The following KAT6A variants were observed in gnomAD, a reference collection of about 807,000 sequenced individuals.
The protein encoded by KAT6A is lysine acetyltransferase 6A, also known as histone acetyltransferase KAT6A.
In KAT6A, 9 loss-of-function variants were observed where a neutral mutation model predicts 198.4. That is an observed-to-expected ratio of 0.05 (90% CI 0.03 to 0.08). The LOEUF is 0.08. Among genes scored for constraint, KAT6A ranks in the 10% least tolerant of loss-of-function variants. The probability of loss-of-function intolerance (pLI) is 1.00; values close to 1 mark genes in which losing one functional copy is unlikely to be tolerated. For synonymous variants in KAT6A, 890 were observed against 883.0 expected, an observed-to-expected ratio of 1.01 and a Z score of -0.14; for missense variants, 2,077 against 2,509.9, an observed-to-expected ratio of 0.83 and a Z score of 3.69.
At position 41,949,310 on chromosome 8, in the gene KAT6A, G is replaced by C. The variant is rs1822556183; in HGVS notation, c.1652C>G (p.Thr551Ser). Residue 551 changes from threonine to serine, a missense_variant, in exon 10 of 17, where the codon ACT (threonine) becomes AGT (serine). Coordinates refer to ENST00000265713, the MANE Select transcript of KAT6A (RefSeq NM_006766.5). ...TTTCTTCATGTGCTGCTGCAGAATAGTTCTACTTTTCATATATTTTAGACA... is the reference window on the plus strand; with the variant it reads ...TTTCTTCATGTGCTGCTGCAGAATACTTCTACTTTTCATATATTTTAGACA... ...EFCLKYMKSR[T>S]ILQQHMKKCG... 1.3e-6 allele frequency: 2 copies of C among 1,573,170 alleles called. No homozygotes were observed. The highest frequency in any genetic ancestry group is 2.4e-5 in the South Asian group (2 of 82,914).
At chr8:42,028,614 A>G (rs939769866) in intron 2 of KAT6A, among the ~76,000 whole-genome samples, 1 of 152,134 alleles carries the variant, frequency 6.6e-6, no homozygotes, top group South Asian at 2.1e-4. Context: ...CTTTCGGTCT[A>G]TATGTCTTCA....
chr8:41,955,349 C>T lies in KAT6A; in HGVS notation c.1545G>A (p.Gly515=), dbSNP rs1294510183. Residue 515 remains glycine, a synonymous_variant, in exon 9 of 17, where the codon GGG becomes GGA. Transcript: ENST00000265713. ...AGTACCAGGTGTGAATTTCATACTTCCCAAACTCAATGACAGAGGGACAGC... is the reference window on the plus strand; with the variant it reads ...AGTACCAGGTGTGAATTTCATACTTTCCAAACTCAATGACAGAGGGACAGC... ...QVRCPSVIEF[G]KYEIHTWYSS... 2 of 1,613,282 alleles carry T rather than the reference C, an allele frequency of 1.2e-6. No homozygotes were observed. Among genetic ancestry groups the T allele is most frequent in the African/African-American group, 2.7e-5 (2 of 74,826 alleles).
intron 2 of KAT6A, among the ~76,000 whole-genome samples, chr8:42,023,975 A>G (rs1826675354): frequency 6.6e-6 from 1 of 152,144 alleles, no homozygotes; most frequent in Non-Finnish European, 1.5e-5. Flanking sequence ...GTGGGGTGAT[A>G]CCACATATGG....
intron 12 of KAT6A, among the ~76,000 whole-genome samples, chr8:41,944,790 C>T (rs1822296287): frequency 6.6e-6 from 1 of 152,174 alleles, no homozygotes; most frequent in Non-Finnish European, 1.5e-5. Flanking sequence ...GCATATATAA[C>T]ATGTCTAATC....
chr8:41,954,855 C>T (rs1166678326), intron 9 of KAT6A, among the ~76,000 whole-genome samples: 3 of 152,116 alleles, frequency 2.0e-5, no homozygotes, highest in African/African-American at 7.2e-5. Context: ...ATAATTTTTA[C>T]ACCAATTGTC....
chr8:41,950,242 G>T (rs2150868174), intron 9 of KAT6A, among the ~76,000 whole-genome samples: 1 of 152,282 alleles, frequency 6.6e-6, no homozygotes, highest in East Asian at 1.9e-4. Context: ...ACTAGATAAA[G>T]AGGTTTTTCC....
At chr8:41,935,322 G>A (rs1346847203) in intron 16 of KAT6A, among the ~76,000 whole-genome samples, 1 of 151,520 alleles carries the variant, frequency 6.6e-6, no homozygotes, top group African/African-American at 2.4e-5. Context: ...TTATCTCTCG[G>A]ATTTTCTTAC....
chr8:41,977,059 G>C lies in KAT6A; in HGVS notation c.1312C>G (p.Arg438Gly). ...TTCCTGTTGCCCCTCTTTCTGATTC[G>C]ATATTGCTCAGAGTAGTCCACCACT... ...GEVVDYSEQY[R>G]IRKRGNRKSS... Residue 438 changes from arginine to glycine, a missense_variant, in exon 7 of 17, where the codon CGA becomes GGA. Coordinates refer to ENST00000265713, the MANE Select transcript of KAT6A (RefSeq NM_006766.5). The C allele has an allele frequency of 6.2e-7, 1 of 1,612,856 alleles. No individual in the cohort carries two copies.
At chr8:42,029,596 A>T in intron 2 of KAT6A, among the ~76,000 whole-genome samples, 1 of 145,388 alleles carries the variant, frequency 6.9e-6, no homozygotes. Flanking sequence ...ACAGGTTCTC[A>T]CTCTGTTGCC....
In KAT6A at chr8:42,048,740, T is replaced by C. The variant is rs969158311; in HGVS notation, c.238A>G (p.Ile80Val). 6.2e-7 allele frequency: 1 copy of C among 1,614,254 alleles called. No individual in the cohort carries two copies. The highest frequency in any genetic ancestry group is 8.5e-7 in the Non-Finnish European group (1 of 1,180,040). The change falls in exon 2 of 17, where the codon ATA becomes GTA. Residue 80 changes from isoleucine to valine, a missense_variant. This residue lies in a region of KAT6A where 185 missense variants were observed against 185.7 expected (regional missense o/e 1.00). Coordinates refer to ENST00000265713, the MANE Select transcript of KAT6A (RefSeq NM_006766.5). ...TGGTTCCGAGGCTTAGGAAGTGCTA[T>C]TCGCCCAGGATTATCAGGATCTTTA... ...SYKDPDNPGR[I>V]ALPKPRNHGK... is the part of the protein sequence containing the mutation.
At chr8:41,967,349 G>T (rs1303962094) in intron 8 of KAT6A, among the ~76,000 whole-genome samples, 1 of 149,964 alleles carries the variant, frequency 6.7e-6, no homozygotes, top group African/African-American at 2.5e-5. Context: ...ACAATGTGCA[G>T]GTTAGTTACA....
At chr8:41,967,515 C>CA (rs1264939459) in intron 8 of KAT6A, among the ~76,000 whole-genome samples, 4 of 144,418 alleles carry the variant, frequency 2.8e-5, no homozygotes, top group Non-Finnish European at 4.5e-5. Context: ...TCTCACTGTT[C>CA]AATTCCCACC....
intron 2 of KAT6A, among the ~76,000 whole-genome samples, chr8:41,995,064 A>AAATAAC (rs1825129959): frequency 6.6e-6 from 1 of 151,980 alleles, no homozygotes; most frequent in Non-Finnish European, 1.5e-5. Flanking sequence ...CTCAAAAAAA[A>AAATAAC]AATAAAAATA....
chr8:42,029,107 T>C (rs1349814283), intron 2 of KAT6A, among the ~76,000 whole-genome samples: 2 of 152,172 alleles, frequency 1.3e-5, no homozygotes, highest in Non-Finnish European at 2.9e-5. Context: ...TTCCAGTATT[T>C]TGAATATATC....
At position 41,934,258 on chromosome 8, in the gene KAT6A, T is replaced by C; in HGVS notation, c.3962A>G (p.Asp1321Gly). ...TTTCTTTGTGGACTCCAGGTGGCCA[T>C]CATCCTCATCATCAGCGTCGTGGTC... ...NDDHDADDEDDGHLESTKKKE... is the reference protein window; with the variant it reads ...NDDHDADDEDGGHLESTKKKE... The change falls in exon 17 of 17, where the codon GAT (aspartate) becomes GGT (glycine). Residue 1321 changes from aspartate to glycine, a missense_variant. This residue lies in a region of KAT6A where 375 missense variants were observed against 383.0 expected (regional missense o/e 0.98). Coordinates refer to ENST00000265713, the MANE Select transcript of KAT6A (RefSeq NM_006766.5). 6.2e-7 allele frequency: 1 copy of C among 1,614,194 alleles called. No homozygotes were observed. Among genetic ancestry groups the C allele is most frequent in the African/African-American group, 1.3e-5 (1 of 75,052 alleles).
intron 2 of KAT6A, among the ~76,000 whole-genome samples, chr8:42,038,368 G>C (rs1043167787): frequency 6.6e-6 from 1 of 152,192 alleles, no homozygotes; most frequent in Admixed American, 6.5e-5. Context: ...TCTAACAAGA[G>C]TGTATAGCTA....
At chr8:42,006,740 A>C (rs1227465572) in intron 2 of KAT6A, among the ~76,000 whole-genome samples, 2 of 152,178 alleles carry the variant, frequency 1.3e-5, no homozygotes, top group Non-Finnish European at 2.9e-5. Flanking sequence ...TCATGCCTGT[A>C]ATCCCAGCAC....
chr8:42,014,053 C>T (rs1826148581), intron 2 of KAT6A, among the ~76,000 whole-genome samples: 1 of 152,034 alleles, frequency 6.6e-6, no homozygotes, highest in Non-Finnish European at 1.5e-5. Context: ...ACACTGAAAT[C>T]TGAATTACAT....
chr8:41,978,569 A>G, intron 6 of KAT6A, 73 bp downstream of exon 6: 2 of 1,480,164 alleles, frequency 1.4e-6, no homozygotes, highest in Non-Finnish European at 1.8e-6. Context: ...TTCATAGAGA[A>G]AACAAGTGAA....
Sources: gnomAD v4.1 joint callset for allele counts (sites outside exome capture counted in the v4.1 genomes callset) on GRCh38, gnomAD v4.1.1 for gene constraint, gnomAD v4.1.1 regional missense constraint, MANE v1.5 for transcripts, NCBI Gene and HGNC (gene_info 2026-07-23, HGNC 2026-07-21) for gene names.